Variants in ESRRG observed in about 807,000 individuals in gnomAD.
The protein encoded by ESRRG is estrogen-related receptor gamma.
A neutral mutation model predicts 44.0 loss-of-function variants in ESRRG; 13 were observed. The observed-to-expected ratio is 0.30, with a 90% CI of 0.19 to 0.47. The LOEUF is 0.47. Ranked by LOEUF, ESRRG falls within the 20% of genes least tolerant of loss-of-function variation. The pLI is 1.00. For missense variants in ESRRG, 395 were observed against 580.6 expected (o/e 0.68, Z 3.29); for synonymous variants, 215 against 214.6 (o/e 1.00, Z -0.02).
intron 1 of ESRRG, among the ~76,000 whole-genome samples, chr1:216,995,248 C>T (rs2076236179): frequency 6.6e-6 from 1 of 152,128 alleles, no homozygotes; most frequent in African/African-American, 2.4e-5. Flanking sequence ...GCATTATCAC[C>T]ACCTTAGGGA....
chr1:216,853,498 C>A (rs1246262765), intron 2 of ESRRG, among the ~76,000 whole-genome samples: 1 of 152,122 alleles, frequency 6.6e-6, no homozygotes, highest in Non-Finnish European at 1.5e-5. Flanking sequence ...CTACACACAC[C>A]TTCCTCTAGC....
intron 3 of ESRRG, among the ~76,000 whole-genome samples, chr1:216,628,595 T>C (rs1348949486): frequency 6.6e-6 from 1 of 152,130 alleles, no homozygotes; most frequent in Non-Finnish European, 1.5e-5. Context: ...AGAAATCAAC[T>C]AGGAAGGAAA....
intron 2 of ESRRG, among the ~76,000 whole-genome samples, chr1:216,838,574 A>G (rs2095604301): frequency 1.3e-5 from 2 of 152,208 alleles, no homozygotes; most frequent in Admixed American, 1.3e-4. Flanking sequence ...TTTAGCCTCA[A>G]CTCACCAGGC....
intron 2 of ESRRG, among the ~76,000 whole-genome samples, chr1:216,772,257 G>A (rs1190988216): frequency 6.6e-6 from 1 of 152,098 alleles, no homozygotes; most frequent in East Asian, 1.9e-4. Flanking sequence ...TCATACAGCT[G>A]GCTGCAAAAT....
intron 2 of ESRRG, among the ~76,000 whole-genome samples, chr1:216,882,889 T>G (rs1410994711): frequency 6.6e-6 from 1 of 152,168 alleles, no homozygotes; most frequent in Non-Finnish European, 1.5e-5. Flanking sequence ...GTTTTGATAT[T>G]TTCACTCTTT....
intron 3 of ESRRG, among the ~76,000 whole-genome samples, chr1:216,633,182 A>G (rs1226700781): frequency 6.6e-6 from 1 of 152,164 alleles, no homozygotes; most frequent in Non-Finnish European, 1.5e-5. Context: ...ACCACCTCCA[A>G]ATGAAGGCAG....
intron 2 of ESRRG, among the ~76,000 whole-genome samples, chr1:216,754,038 T>C (rs2092282743): frequency 6.6e-6 from 1 of 152,086 alleles, no homozygotes; most frequent in African/African-American, 2.4e-5. Flanking sequence ...TCAGGCCTTT[T>C]GTCAGAAACC....
chr1:217,098,920 C>A (rs972689318), intron 1 of ESRRG, among the ~76,000 whole-genome samples: 1 of 152,278 alleles, frequency 6.6e-6, no homozygotes, highest in Middle Eastern at 3.4e-3. Flanking sequence ...ACCTATGTCA[C>A]CTGATTTAAA....
At chr1:216,552,991 T>C (rs10442688) in intron 5 of ESRRG, among the ~76,000 whole-genome samples, 50,349 of 152,070 alleles carry the variant, frequency 0.33, 8,622 homozygotes, top group Admixed American at 0.42. Context: ...AGAAACATTG[T>C]GTTGAACCTC....
chr1:216,591,535 T>C (rs1432509111), intron 3 of ESRRG, among the ~76,000 whole-genome samples: 1 of 152,182 alleles, frequency 6.6e-6, no homozygotes. Context: ...TCAAAAACAA[T>C]AACAGTAGTA....
chr1:216,569,081 A>AAAGGAAGGAAGGAAGG lies in ESRRG; in HGVS notation c.590-999_590-984dup, dbSNP rs56064287. 2.8e-3 allele frequency among the ~76,000 whole-genome samples: 275 copies of AAAGGAAGGAAGGAAGG among 98,180 alleles called. 8 individuals carry two copies. The highest frequency in any genetic ancestry group is 0.012 in the South Asian group (32 of 2,624). The allele number at this position is 98,180 out of a possible 152,430, so 64.4% of individuals were successfully genotyped here. On this transcript the variant is annotated intron_variant, in intron 3 of 6. Transcript: ENST00000408911. Reference sequence around the variant, plus strand: ...GAAAGAAAGAGAGAAAGACAGAGAGAAAGGAAGGAAGGAAGGAAGGAAGGA... The same window carrying AAAGGAAGGAAGGAAGG: ...GAAAGAAAGAGAGAAAGACAGAGAGAAAGGAAGGAAGGAAGGAAGGAAGGAAGGAAGGAAGGAAGGA...
chr1:216,629,865 C>A (rs11117635), intron 3 of ESRRG, among the ~76,000 whole-genome samples: 33,949 of 152,002 alleles, frequency 0.22, 4,019 homozygotes, highest in East Asian at 0.39. Flanking sequence ...GGGGGAAATG[C>A]CAGTTTACAA....
intron 2 of ESRRG, among the ~76,000 whole-genome samples, chr1:216,659,516 T>C (rs1390806698): frequency 2.0e-5 from 3 of 152,164 alleles, no homozygotes; most frequent in Non-Finnish European, 4.4e-5. Flanking sequence ...ACAAAACATT[T>C]GCAAAGCTCT....
intron 1 of ESRRG, among the ~76,000 whole-genome samples, chr1:217,060,062 G>A (rs2088017062): frequency 6.6e-6 from 1 of 151,726 alleles, no homozygotes; most frequent in Admixed American, 6.6e-5. Flanking sequence ...GGTTTTGGGG[G>A]TGGCAAAAAT....
chr1:217,012,838 C>A (rs1207125680), intron 1 of ESRRG, among the ~76,000 whole-genome samples: 2 of 152,158 alleles, frequency 1.3e-5, no homozygotes, highest in Middle Eastern at 3.2e-3. Flanking sequence ...GCTATTGTAA[C>A]AAAGTACCAC....
intron 1 of ESRRG, among the ~76,000 whole-genome samples, chr1:217,121,135 C>A (rs1024160371): frequency 5.9e-5 from 9 of 151,920 alleles, no homozygotes; most frequent in African/African-American, 2.2e-4. Flanking sequence ...CACACACACA[C>A]ACACACACAC....
At chr1:216,687,449 A>T (rs2078225170) in intron 1 of ESRRG, among the ~76,000 whole-genome samples, 1 of 152,140 alleles carries the variant, frequency 6.6e-6, no homozygotes, top group Non-Finnish European at 1.5e-5. Context: ...TGCTCGCTCA[A>T]AGAATCTTCT....
intron 1 of ESRRG, among the ~76,000 whole-genome samples, chr1:217,022,402 C>G (rs1235597774): frequency 2.0e-5 from 3 of 152,190 alleles, no homozygotes; most frequent in Non-Finnish European, 4.4e-5. Flanking sequence ...TGATTATTAA[C>G]AAATCACTTC....
intron 2 of ESRRG, among the ~76,000 whole-genome samples, chr1:216,822,261 A>G (rs939343984): frequency 5.9e-5 from 9 of 152,186 alleles, no homozygotes; most frequent in Non-Finnish European, 1.2e-4. Flanking sequence ...GCAAAATGCG[A>G]TTTCATTAAG....
Sources: gnomAD v4.1 joint callset for allele counts (sites outside exome capture counted in the v4.1 genomes callset) on GRCh38, gnomAD v4.1.1 for gene constraint, MANE v1.5 for transcripts, NCBI Gene and HGNC (gene_info 2026-07-23, HGNC 2026-07-21) for gene names.